CTNNA2: variants seen among roughly 807,000 people sequenced by gnomAD.
The protein encoded by CTNNA2 is catenin alpha 2, also known as catenin alpha-2.
In CTNNA2, 42 loss-of-function variants were observed where a neutral mutation model predicts 101.0. The observed-to-expected ratio is 0.42, with a 90% CI of 0.32 to 0.54. The LOEUF (loss-of-function observed/expected upper bound fraction) is 0.54, where lower values mean the gene tolerates loss of function less well. CTNNA2 is among the 20% of genes least tolerant of loss of function. The pLI is 0.14. For missense variants in CTNNA2, 871 were observed against 1,223.1 expected (o/e 0.71, Z 4.29); for synonymous variants, 450 against 456.4 (o/e 0.99, Z 0.18).
At chr2:79,754,353 T>C (rs552617077) in intron 3 of CTNNA2, among the ~76,000 whole-genome samples, 1 of 152,086 alleles carries the variant, frequency 6.6e-6, no homozygotes, top group East Asian at 1.9e-4. Flanking sequence ...TCTTTGGTGG[T>C]GAGGTGTTAG....
chr2:80,247,037 A>G (rs1304142296), intron 7 of CTNNA2, among the ~76,000 whole-genome samples: 1 of 152,188 alleles, frequency 6.6e-6, no homozygotes, highest in Non-Finnish European at 1.5e-5. Flanking sequence ...AATGTCGTTT[A>G]GTGAGTTTTA....
At chr2:79,448,987 T>C (rs939765009) in intron 4 of CTNNA2, among the ~76,000 whole-genome samples, 1 of 151,984 alleles carries the variant, frequency 6.6e-6, no homozygotes, top group Non-Finnish European at 1.5e-5. Context: ...TGACTCACTG[T>C]CAGTAGGTTT....
intron 7 of CTNNA2, among the ~76,000 whole-genome samples, chr2:80,102,626 C>T (rs1432654868): frequency 2.0e-5 from 3 of 152,172 alleles, no homozygotes; most frequent in Non-Finnish European, 4.4e-5. Context: ...GATTTTCCTG[C>T]CTCAGCCTCC....
chr2:79,253,620 G>T (rs1328758677), intron 2 of CTNNA2, among the ~76,000 whole-genome samples: 3 of 150,170 alleles, frequency 2.0e-5, no homozygotes, highest in South Asian at 2.1e-4. Flanking sequence ...TGCCCAAGGG[G>T]CTTATTCTGG....
intron 3 of CTNNA2, among the ~76,000 whole-genome samples, chr2:79,798,611 C>A: frequency 1.5e-5 from 2 of 133,586 alleles, no homozygotes; most frequent in African/African-American, 5.8e-5. Context: ...GAAAGAATAG[C>A]AAGTTAATTG....
At chr2:79,804,461 A>T (rs1356277645) in intron 3 of CTNNA2, among the ~76,000 whole-genome samples, 2 of 152,180 alleles carry the variant, frequency 1.3e-5, no homozygotes, top group African/African-American at 4.8e-5. Flanking sequence ...AAAAGAAAAT[A>T]TATAGTTCTT....
chr2:79,518,923 A>G (rs1424972398), intron 1 of CTNNA2, among the ~76,000 whole-genome samples: 1 of 152,004 alleles, frequency 6.6e-6, no homozygotes, highest in Non-Finnish European at 1.5e-5. Flanking sequence ...AGAAGTGTAT[A>G]CAAGACTCAA....
At chr2:80,497,825 A>G (rs1283607786) in intron 9 of CTNNA2, among the ~76,000 whole-genome samples, 1 of 152,168 alleles carries the variant, frequency 6.6e-6, no homozygotes, top group East Asian at 1.9e-4. Flanking sequence ...CCAGCAAGAA[A>G]GTGGGAAGCT....
At chr2:80,064,647 C>T (rs906811948) in intron 7 of CTNNA2, among the ~76,000 whole-genome samples, 5 of 152,208 alleles carry the variant, frequency 3.3e-5, no homozygotes, top group South Asian at 4.1e-4. Context: ...CGTCATTTCT[C>T]CTCCATGTGG....
At chr2:79,873,434 C>A (rs1306164475) in intron 5 of CTNNA2, among the ~76,000 whole-genome samples, 1 of 151,942 alleles carries the variant, frequency 6.6e-6, no homozygotes, top group Non-Finnish European at 1.5e-5. Context: ...AATATATGCT[C>A]AAAAAATACA....
intron 17 of CTNNA2, among the ~76,000 whole-genome samples, chr2:80,610,010 G>A (rs1698328193): frequency 6.6e-6 from 1 of 151,768 alleles, no homozygotes; most frequent in South Asian, 2.1e-4. Flanking sequence ...CAAGAAGCCT[G>A]TTCCCTTCTT....
chr2:79,343,625 G>C (rs774462439), intron 3 of CTNNA2, among the ~76,000 whole-genome samples: 4 of 152,144 alleles, frequency 2.6e-5, no homozygotes, highest in Non-Finnish European at 5.9e-5. Flanking sequence ...ACATGACCCA[G>C]TCTAGGATAA....
intron 2 of CTNNA2, among the ~76,000 whole-genome samples, chr2:79,252,382 C>T (rs1449868834): frequency 6.6e-6 from 1 of 151,654 alleles, no homozygotes; most frequent in African/African-American, 2.4e-5. Context: ...ATGCTTGGAT[C>T]TTTTTCCCAT....
intron 9 of CTNNA2, among the ~76,000 whole-genome samples, chr2:80,522,010 T>G (rs779490872): frequency 1.1e-4 from 17 of 152,154 alleles, no homozygotes; most frequent in Non-Finnish European, 2.1e-4. Context: ...CAGCCCCAAG[T>G]GGTTTCTCAA....
chr2:79,925,687 G>C (rs889994856), intron 7 of CTNNA2, among the ~76,000 whole-genome samples: 1 of 152,006 alleles, frequency 6.6e-6, no homozygotes, highest in Non-Finnish European at 1.5e-5. Flanking sequence ...ATTAGTAAGT[G>C]ACCAGGAGAG....
chr2:80,182,021 C>G lies in CTNNA2; in HGVS notation c.1057-211190C>G, dbSNP rs146943730. On this transcript the variant is annotated intron_variant, in intron 7 of 18. Transcript: ENST00000402739. ...GTCTGGGTTCTCTAGAGATACAGGA[C>G]TAATAGGATAAATGTATATATGAAA... 1.1e-4 allele frequency among the ~76,000 whole-genome samples: 16 copies of G among 152,226 alleles called. No individual in the cohort carries two copies. The East Asian group carries it at 3.1e-3, about 29-fold the overall frequency.
chr2:79,363,096 C>A (rs1677666994), intron 3 of CTNNA2, among the ~76,000 whole-genome samples: 1 of 152,202 alleles, frequency 6.6e-6, no homozygotes. Flanking sequence ...GCTTCTATGA[C>A]AAAATGCCAC....
intron 1 of CTNNA2, among the ~76,000 whole-genome samples, chr2:79,561,420 TTCATTTC>T: frequency 6.6e-6 from 1 of 151,926 alleles, no homozygotes; most frequent in African/African-American, 2.4e-5. Context: ...AACATATGTT[TTCATTTC>T]TCTTGGTATG....
chr2:80,087,018 C>T (rs1041988679), intron 7 of CTNNA2, among the ~76,000 whole-genome samples: 9 of 152,064 alleles, frequency 5.9e-5, no homozygotes, highest in South Asian at 2.1e-4. Context: ...TCAGACCCAC[C>T]GGCTCATGCA....
Sources: gnomAD v4.1 joint callset for allele counts (sites outside exome capture counted in the v4.1 genomes callset) on GRCh38, gnomAD v4.1.1 for gene constraint, MANE v1.5 for transcripts, NCBI Gene and HGNC (gene_info 2026-07-23, HGNC 2026-07-21) for gene names.